The following PIR variants were observed in gnomAD, a reference collection of about 807,000 sequenced individuals.
PIR encodes pirin.
Under a neutral mutation model 24.2 loss-of-function variants are expected in PIR, and 22 were observed. The ratio of observed to expected loss-of-function variants is 0.91; its 90% CI spans 0.65 to 1.30. The LOEUF (loss-of-function observed/expected upper bound fraction) is 1.30. PIR is among the 50% of genes most tolerant of loss of function. The probability of loss-of-function intolerance (pLI) is 0.00; values close to 1 mark genes in which losing one functional copy is unlikely to be tolerated. For synonymous variants in PIR, 80 were observed against 79.6 expected, an observed-to-expected ratio of 1.00 and a Z score of -0.03; for missense variants, 220 against 220.3, an observed-to-expected ratio of 1.00 and a Z score of 0.01.
At chrX:15,424,697 A>C (rs1925248035) in intron 6 of PIR, among the ~76,000 whole-genome samples, 1 of 112,331 alleles carries the variant, frequency 8.9e-6, no homozygotes, top group Admixed American at 9.5e-5. Flanking sequence ...GTTAATTAAA[A>C]AAATTATTTA....
intron 8 of PIR, among the ~76,000 whole-genome samples, chrX:15,396,809 C>G (rs1014761027): frequency 2.8e-5 from 3 of 108,729 alleles, no homozygotes; most frequent in Non-Finnish European, 5.7e-5. Flanking sequence ...GGCGCAATCT[C>G]GGCTCACTGC....
At chrX:15,414,762 T>A (rs1331824912) in intron 6 of PIR, among the ~76,000 whole-genome samples, 1 of 110,544 alleles carries the variant, frequency 9.0e-6, no homozygotes, top group Admixed American at 9.7e-5. Flanking sequence ...CTGGCCTCAG[T>A]CCCCCAAAGT....
At chrX:15,421,006 A>G (rs1459332217) in intron 6 of PIR, among the ~76,000 whole-genome samples, 2 of 112,113 alleles carry the variant, frequency 1.8e-5, no homozygotes, top group African/African-American at 3.2e-5. Context: ...ATGTCAGTGT[A>G]TAAAAATAAG....
intron 6 of PIR, among the ~76,000 whole-genome samples, chrX:15,424,451 CAATTT>C (rs56227186): frequency 0.3 from 33,075 of 110,225 alleles, 3,718 homozygotes; most frequent in East Asian, 0.5. Flanking sequence ...TACAAATATA[CAATTT>C]AATAGAAGAA....
chrX:15,480,683 G>A (rs887353028), intron 2 of PIR, among the ~76,000 whole-genome samples: 6 of 111,998 alleles, frequency 5.4e-5, no homozygotes, highest in South Asian at 7.4e-4. Flanking sequence ...GGGAGAAAAA[G>A]AGAAGGAAAG....
chrX:15,399,431 A>C (rs1258980148), intron 7 of PIR, among the ~76,000 whole-genome samples: 1 of 112,230 alleles, frequency 8.9e-6, no homozygotes, highest in African/African-American at 3.2e-5. Context: ...TGCAAACATG[A>C]AATAGGATTC....
At chrX:15,410,015 G>T (rs981346221) in intron 6 of PIR, among the ~76,000 whole-genome samples, 1 of 110,662 alleles carries the variant, frequency 9.0e-6, no homozygotes, top group African/African-American at 3.3e-5. Context: ...CACTTCGGAG[G>T]GCCAAGGCGA....
chrX:15,419,343 CTG>C (rs34664851), intron 6 of PIR, among the ~76,000 whole-genome samples: 7,033 of 78,021 alleles, frequency 0.09, 341 homozygotes, highest in African/African-American at 0.19. Flanking sequence ...ATGGATAAGT[CTG>C]TGTGTGTGTG....
At chrX:15,468,309 T>A (rs770586815) in intron 3 of PIR, among the ~76,000 whole-genome samples, 6 of 112,708 alleles carry the variant, frequency 5.3e-5, no homozygotes, top group Non-Finnish European at 7.5e-5. Context: ...TGTGTCACTG[T>A]GGCAGGCTGC....
chrX:15,409,093 C>G (rs1924640109), intron 6 of PIR, among the ~76,000 whole-genome samples: 1 of 87,048 alleles, frequency 1.1e-5, no homozygotes, highest in South Asian at 5.6e-4. Flanking sequence ...TCGTTTTTCT[C>G]CCTTTTTTTT....
intron 5 of PIR, among the ~76,000 whole-genome samples, chrX:15,433,427 A>G (rs1925576188): frequency 9.4e-6 from 1 of 106,131 alleles, no homozygotes; most frequent in East Asian, 2.9e-4. Flanking sequence ...AAGAGCTGAC[A>G]TGAAGAAGGA....
At position 15,474,775 on chromosome X, in the gene PIR, T is replaced by G. The variant is rs1569210392; in HGVS notation, c.189+4954A>C. Among the ~76,000 whole-genome samples, 5 of 112,038 alleles carry G rather than the reference T, an allele frequency of 4.5e-5. No individual in the cohort carries two copies. The Admixed American group carries it at 4.7e-4, about 11-fold the overall frequency. On this transcript the variant is annotated intron_variant, in intron 3 of 9. Coordinates refer to ENST00000380420, the MANE Select transcript of PIR (RefSeq NM_001018109.3). Reference sequence around the variant, plus strand: ...AAGCCACATTAAGCCACTGTGAGTTTCATTCTTATTTTATTACCTACAAAT... The same window carrying G: ...AAGCCACATTAAGCCACTGTGAGTTGCATTCTTATTTTATTACCTACAAAT...
chrX:15,466,550 TG>T (rs1370777180), intron 3 of PIR, among the ~76,000 whole-genome samples: 1 of 111,656 alleles, frequency 9.0e-6, no homozygotes. Flanking sequence ...GTATGCAGGG[TG>T]AAGTCCCTTC....
intron 2 of PIR, among the ~76,000 whole-genome samples, chrX:15,480,752 T>C (rs1194680997): frequency 8.9e-6 from 1 of 112,267 alleles, no homozygotes; most frequent in East Asian, 2.8e-4. Flanking sequence ...TAAGGGATAC[T>C]AATCTGTTGG....
intron 3 of PIR, among the ~76,000 whole-genome samples, chrX:15,475,620 G>A (rs1353542229): frequency 2.7e-5 from 3 of 111,814 alleles, no homozygotes; most frequent in African/African-American, 9.8e-5. Context: ...GTTCATCAAC[G>A]GAGTCCGATC....
At chrX:15,428,294 A>G (rs2147034055) in intron 5 of PIR, among the ~76,000 whole-genome samples, 1 of 112,129 alleles carries the variant, frequency 8.9e-6, no homozygotes, top group Non-Finnish European at 1.9e-5. Flanking sequence ...CATTAGGTGT[A>G]TAAGACACCA....
At chrX:15,427,099 C>G (rs778724340) in intron 5 of PIR, among the ~76,000 whole-genome samples, 16 of 111,800 alleles carry the variant, frequency 1.4e-4, no homozygotes, top group Non-Finnish European at 2.3e-4. Flanking sequence ...TAATATTGAG[C>G]AAATGAAGAC....
Position 15,399,525 on chromosome X carries a change from G to C in PIR, c.611-1994C>G, listed in dbSNP as rs182866924. Among the ~76,000 whole-genome samples, 367 of 111,735 alleles carry C rather than the reference G, an allele frequency of 3.3e-3. 2 individuals carry two copies. Among genetic ancestry groups the C allele is most frequent in the African/African-American group, 0.011 (339 of 30,749 alleles). The stretch of plus-strand genomic sequence containing the variant: ...ACAATTCAGGGCATGGGTGGACTTT[G>C]ATAGGAGATAAATTACATGTTTACT... On this transcript the variant is annotated intron_variant, in intron 7 of 9. Coordinates refer to ENST00000380420, the MANE Select transcript of PIR (RefSeq NM_001018109.3).
At position 15,472,264 on chromosome X, in the gene PIR, T is replaced by G. The variant is rs1168675716; in HGVS notation, c.189+7465A>C. On this transcript the variant is annotated intron_variant, in intron 3 of 9. Transcript: ENST00000380420. ...TAAAGGTACAAAGAGAAAAAAAGGG[T>G]TCAGCGAAAACCAATAATCTTGTCC... is the stretch of plus-strand genomic sequence containing the variant. 2.7e-5 allele frequency among the ~76,000 whole-genome samples: 3 copies of G among 112,001 alleles called. No individual in the cohort carries two copies. In the East Asian group the frequency reaches 8.3e-4, roughly 31 times the overall value.
Sources: gnomAD v4.1 joint callset for allele counts (sites outside exome capture counted in the v4.1 genomes callset) on GRCh38, gnomAD v4.1.1 for gene constraint, MANE v1.5 for transcripts, NCBI Gene and HGNC (gene_info 2026-07-23, HGNC 2026-07-21) for gene names.